The following RUBCN variants were observed in gnomAD, a reference collection of about 807,000 sequenced individuals.
The protein encoded by RUBCN is run domain Beclin-1-interacting and cysteine-rich domain-containing protein.
RUBCN carries 74 observed loss-of-function variants against 113.2 expected under a neutral mutation model. The observed-to-expected ratio is 0.65, with a 90% CI of 0.54 to 0.79. The LOEUF is 0.79. RUBCN is among the 30% of genes least tolerant of loss of function. The pLI, the probability that RUBCN is intolerant of heterozygous loss-of-function variation, is 0.00. For missense variants in RUBCN, 1,109 were observed against 1,251.7 expected (o/e 0.89, Z 1.72); for synonymous variants, 480 against 490.0 (o/e 0.98, Z 0.27).
rs1482607620 is a variant in RUBCN, at chr3:197,736,875, C to A, written c.-156G>T. 8 of 1,373,848 alleles carry A rather than the reference C, an allele frequency of 5.8e-6. No homozygotes were observed. The highest frequency in any genetic ancestry group is 6.5e-6 in the Non-Finnish European group (7 of 1,071,034). 85.1% of individuals were successfully genotyped at this position (1,373,848 alleles called of 1,614,324 possible). On this transcript the variant is annotated 5_prime_UTR_variant, in exon 1 of 20. Transcript: ENST00000296343. The stretch of plus-strand genomic sequence containing the variant: ...GGGCGGCGACAGCGGGAGGGACCGC[C>A]GCCTGGGCTGCGGCTTCTATCCCGG...
Position 197,675,562 on chromosome 3 carries a change from G to A in RUBCN, c.2647-47C>T, listed in dbSNP as rs1204506293. 1 of 1,407,460 alleles carries A rather than the reference G, an allele frequency of 7.1e-7. No individual in the cohort carries two copies. The highest frequency in any genetic ancestry group is 1.2e-5 in the South Asian group (1 of 86,714). 87.2% of individuals were successfully genotyped at this position (1,407,460 alleles called of 1,614,324 possible). A position where few individuals can be genotyped will look rare whatever the true frequency, so the allele number is the denominator to read the frequency against. The stretch of plus-strand genomic sequence containing the variant: ...GGCAAAATGAGGAGCGGCACATCAG[G>A]AACTGGCACGGGAGGGTGAACACCG... On this transcript the variant is annotated intron_variant, in intron 18 of 19. Transcript: ENST00000296343. This position sits in a 1 kb window ranked among gnomAD's most constrained non-coding sequence, Gnocchi z 4.4.
intron 11 of RUBCN, 101 bp from the exon 12 acceptor site, chr3:197,684,318 C>T: frequency 4.7e-6 from 4 of 859,782 alleles, no homozygotes; most frequent in South Asian, 4.0e-5. Context: ...CTCAGGGTAA[C>T]AGCCAGGTGC....
In RUBCN at chr3:197,675,199, A is replaced by G. The variant is rs116051500; in HGVS notation, c.2741-3T>C. On this transcript the variant is annotated splice_polypyrimidine_tract_variant and splice_region_variant and intron_variant, in intron 19 of 19. Coordinates refer to ENST00000296343, the MANE Select transcript of RUBCN (RefSeq NM_014687.4). The surrounding 1 kb of genome is among the most constrained non-coding windows in gnomAD (Gnocchi z 4.4). ...TTTATGGTAACACGCTTTACACTCT[A>G]CTCAGGTTGGGAAGGTGGGGGAGAG... 215 of 1,613,970 alleles carry G rather than the reference A, an allele frequency of 1.3e-4. No individual in the cohort carries two copies. The African/African-American group carries it at 2.6e-3, about 19-fold the overall frequency.
intron 1 of RUBCN, chr3:197,749,160 A>G: frequency 4.0e-6 from 2 of 504,796 alleles, no homozygotes; most frequent in Non-Finnish European, 5.2e-6. Flanking sequence ...TTCATCAAAT[A>G]TTAAACTGTT....
upstream of RUBCN, among the ~76,000 whole-genome samples, chr3:197,739,509 C>T (rs1252377096): frequency 2.0e-5 from 3 of 150,114 alleles, no homozygotes; most frequent in Non-Finnish European, 3.0e-5. Flanking sequence ...CTGGCTGACA[C>T]GGTGAAACCC....
chr3:197,702,151 C>T (rs1304260173), intron 5 of RUBCN, among the ~76,000 whole-genome samples: 1 of 152,182 alleles, frequency 6.6e-6, no homozygotes, highest in Non-Finnish European at 1.5e-5. Context: ...AGAAGTCAGA[C>T]AGACTAGGGT....
intron 7 of RUBCN, among the ~76,000 whole-genome samples, chr3:197,699,536 G>A (rs1445566714): frequency 6.6e-6 from 1 of 152,182 alleles, no homozygotes; most frequent in Non-Finnish European, 1.5e-5. Context: ...TTGGAGTATG[G>A]CAGACATCAG....
rs71166707 is a variant in RUBCN at position 197,730,885 on chromosome 3, CTTTTTTTTTTTTTT to C, written c.65+5756_65+5769del. On this transcript the variant is annotated intron_variant, in intron 1 of 19. Transcript: ENST00000296343. ...TTTTTTTTTCATATTTTAAAAGCAT[CTTTTTTTTTTTTTT>C]TTTTTTTTTTTTTTTTACAGTTTCA... Among the ~76,000 whole-genome samples, 131 of 50,014 alleles carry C rather than the reference CTTTTTTTTTTTTTT, an allele frequency of 2.6e-3. 1 individual carries two copies. The highest frequency in any genetic ancestry group is 9.7e-3 in the African/African-American group (122 of 12,554). 32.8% of individuals were successfully genotyped at this position (50,014 alleles called of 152,430 possible). A position where few individuals can be genotyped will look rare whatever the true frequency, so the allele number is the denominator to read the frequency against.
At chr3:197,741,571 C>T (rs1407591097), upstream of RUBCN, among the ~76,000 whole-genome samples, 4 of 152,164 alleles carry the variant, frequency 2.6e-5, no homozygotes, top group Non-Finnish European at 1.5e-5. Context: ...TGGCTCATGC[C>T]TGTAATCCCA....
intron 1 of RUBCN, among the ~76,000 whole-genome samples, chr3:197,746,117 A>C (rs1490709502): frequency 6.6e-6 from 1 of 152,226 alleles, no homozygotes; most frequent in African/African-American, 2.4e-5. Flanking sequence ...GTTAAACCTG[A>C]ATTTCAGTTA....
chr3:197,684,245 C>A, intron 11 of RUBCN, 28 bp from the exon 12 acceptor site: 1 of 1,596,260 alleles, frequency 6.3e-7, no homozygotes. Flanking sequence ...ATAAGGGGAG[C>A]GCAATGGAAA....
chr3:197,683,254 G>A lies in RUBCN; in HGVS notation c.1980+53C>T. ...AGGGACATGTGACGAAGGAAAACAA[G>A]GTCACAGAGGCTCACGATGGCCCCT... On this transcript the variant is annotated intron_variant, in intron 13 of 19. Transcript: ENST00000296343. This position sits in a 1 kb window ranked among gnomAD's most constrained non-coding sequence, Gnocchi z 4.6. 1 of 1,610,126 alleles carries A rather than the reference G, an allele frequency of 6.2e-7. No individual in the cohort carries two copies. Among genetic ancestry groups the A allele is most frequent in the Non-Finnish European group, 8.5e-7 (1 of 1,176,344 alleles).
chr3:197,720,679 T>C (rs560908072), intron 1 of RUBCN, among the ~76,000 whole-genome samples: 6 of 152,108 alleles, frequency 3.9e-5, no homozygotes, highest in Non-Finnish European at 8.8e-5. Flanking sequence ...AGTGCTGGGA[T>C]TACAGGAGTG....
chr3:197,708,179 AG>A (rs1206333800), intron 2 of RUBCN, among the ~76,000 whole-genome samples: 1 of 151,990 alleles, frequency 6.6e-6, no homozygotes, highest in Admixed American at 6.6e-5. Context: ...TCTGTCACCC[AG>A]GCTGGAGTGC....
intron 11 of RUBCN, among the ~76,000 whole-genome samples, chr3:197,687,938 A>G (rs1336658421): frequency 1.3e-5 from 2 of 152,096 alleles, no homozygotes; most frequent in African/African-American, 4.8e-5. Flanking sequence ...AGCCTTGGGG[A>G]TGTATCACTC....
chr3:197,739,379 A>G (rs969524360), upstream of RUBCN, among the ~76,000 whole-genome samples: 1 of 134,844 alleles, frequency 7.4e-6, no homozygotes, highest in African/African-American at 2.7e-5. Context: ...CGATAAGAGC[A>G]AGACTTCGTC....
chr3:197,681,170 T>G lies in RUBCN; in HGVS notation c.2389A>C (p.Ser797Arg). 1 of 1,614,092 alleles carries G rather than the reference T, an allele frequency of 6.2e-7. No homozygotes were observed. The highest frequency in any genetic ancestry group is 8.5e-7 in the Non-Finnish European group (1 of 1,179,974). Residue 797 changes from serine to arginine, a missense_variant, in exon 16 of 20, where the codon AGT becomes CGT. By Grantham distance (110) the Ser-to-Arg change is moderately radical (BLOSUM62 -1). Coordinates refer to ENST00000296343, the MANE Select transcript of RUBCN (RefSeq NM_014687.4). This position sits in a 1 kb window ranked among gnomAD's most constrained non-coding sequence, Gnocchi z 5.5. ...DPLFNVQDIN[S>R]ALYRKVKLLN... ...AGCTTGACCTTCCTATAGAGGGCAC[T>G]GTTTATGTCCTGCACGTTGAAGAGA...
intron 18 of RUBCN, chr3:197,676,105 T>C (rs1720378600): frequency 1.4e-6 from 1 of 737,434 alleles, no homozygotes; most frequent in Non-Finnish European, 1.7e-6. Flanking sequence ...GTTTGAGGAA[T>C]ACATAAAGTA....
At chr3:197,724,844 A>C (rs1348071608) in intron 1 of RUBCN, among the ~76,000 whole-genome samples, 2 of 152,230 alleles carry the variant, frequency 1.3e-5, no homozygotes, top group Non-Finnish European at 2.9e-5. Flanking sequence ...ACTGTAGAGA[A>C]GAGCAGAATT....
Sources: gnomAD v4.1 joint callset for allele counts (sites outside exome capture counted in the v4.1 genomes callset) on GRCh38, gnomAD v4.1.1 for gene constraint, Gnocchi (gnomAD v3.1) non-coding constraint, MANE v1.5 for transcripts, NCBI Gene and HGNC (gene_info 2026-07-23, HGNC 2026-07-21) for gene names.